CSGALNACT1: variants seen among roughly 807,000 people sequenced by gnomAD.
The protein encoded by CSGALNACT1 is chondroitin sulfate N-acetylgalactosaminyltransferase 1, also known as beta4GalNAcT-1.
In CSGALNACT1, 52 loss-of-function variants were observed where a neutral mutation model predicts 51.0. That is an observed-to-expected ratio of 1.02 (90% CI 0.82 to 1.29). The LOEUF is 1.29. CSGALNACT1 is among the 50% of genes most tolerant of loss of function. CSGALNACT1 has a pLI of 0.00. For missense variants in CSGALNACT1, 935 were observed against 679.2 expected (o/e 1.38, Z -4.19); for synonymous variants, 341 against 254.4 (o/e 1.34, Z -3.24).
upstream of CSGALNACT1, among the ~76,000 whole-genome samples, chr8:19,687,430 G>A (rs906215217): frequency 6.6e-6 from 1 of 152,066 alleles, no homozygotes; most frequent in Non-Finnish European, 1.5e-5. Flanking sequence ...TTATATATGT[G>A]CATATCACAA....
chr8:19,455,781 C>A (rs2063960342), intron 5 of CSGALNACT1, among the ~76,000 whole-genome samples: 1 of 152,176 alleles, frequency 6.6e-6, no homozygotes, highest in South Asian at 2.1e-4. Flanking sequence ...TCCCATTGTC[C>A]CCTGTCTGTA....
intron 9 of CSGALNACT1, among the ~76,000 whole-genome samples, chr8:19,407,917 G>GTGTATATGAAT (rs1162435489): frequency 2.5e-5 from 2 of 79,286 alleles, no homozygotes; most frequent in African/African-American, 6.8e-5. Flanking sequence ...GTGTGTGTGT[G>GTGTATATGAAT]TGTGTGTGTG....
exon 10 of CSGALNACT1, chr8:19,405,688 C>T (rs759850175): frequency 7.9e-6 from 12 of 1,512,432 alleles, no homozygotes; most frequent in Middle Eastern, 3.4e-4. Context: ...ATTCTTTTGT[C>T]GTCCTTTATG....
chr8:19,534,322 G>A (rs1264173265), intron 3 of CSGALNACT1, among the ~76,000 whole-genome samples: 4 of 151,938 alleles, frequency 2.6e-5, no homozygotes, highest in African/African-American at 9.7e-5. Flanking sequence ...GGTGTGGCAG[G>A]TGCCTTTAGT....
intron 1 of CSGALNACT1, chr8:19,688,844 A>T (rs1392433781): frequency 1.3e-5 from 2 of 152,112 alleles, no homozygotes; most frequent in Non-Finnish European, 2.9e-5. Flanking sequence ...GCCCTCGCCA[A>T]CCTCCTCCAC....
chr8:19,687,151 C>T (rs927527997), upstream of CSGALNACT1, among the ~76,000 whole-genome samples: 3 of 152,124 alleles, frequency 2.0e-5, no homozygotes, highest in South Asian at 2.1e-4. Context: ...GTATTTGTGA[C>T]GTTTGTTTTA....
chr8:19,500,271 C>T (rs112141891), intron 4 of CSGALNACT1, among the ~76,000 whole-genome samples: 1 of 152,140 alleles, frequency 6.6e-6, no homozygotes, highest in African/African-American at 2.4e-5. Flanking sequence ...AAGCCCAACT[C>T]ACACCCTGAT....
chr8:19,638,539 A>G (rs1252987042), intron 1 of CSGALNACT1, among the ~76,000 whole-genome samples: 1 of 152,260 alleles, frequency 6.6e-6, no homozygotes, highest in Non-Finnish European at 1.5e-5. Context: ...TGAATCAGAA[A>G]GGGAACAAGT....
chr8:19,660,830 A>G (rs1027996504), intron 1 of CSGALNACT1, among the ~76,000 whole-genome samples: 8 of 152,264 alleles, frequency 5.3e-5, no homozygotes, highest in African/African-American at 1.7e-4. Flanking sequence ...GGAAAACACA[A>G]GGTTCTTACA....
At chr8:19,505,091 C>G in intron 4 of CSGALNACT1, 110 bp downstream of exon 3, 1 of 1,229,482 alleles carries the variant, frequency 8.1e-7, no homozygotes, top group Middle Eastern at 2.6e-4. Context: ...AAACTTTCCG[C>G]CAGCCATCCC....
At chr8:19,723,019 C>A (rs930087939) in intron 1 of CSGALNACT1, among the ~76,000 whole-genome samples, 34 of 152,184 alleles carry the variant, frequency 2.2e-4, no homozygotes. Flanking sequence ...TAAGTGATTC[C>A]AAAGTCTCAA....
At chr8:19,454,457 C>T (rs541038443) in intron 5 of CSGALNACT1, among the ~76,000 whole-genome samples, 3 of 152,108 alleles carry the variant, frequency 2.0e-5, no homozygotes, top group Non-Finnish European at 2.9e-5. Context: ...GATCACTTGA[C>T]GTCAGGAGTT....
intron 5 of CSGALNACT1, among the ~76,000 whole-genome samples, chr8:19,441,928 CAAA>C (rs1294588744): frequency 6.6e-6 from 1 of 152,136 alleles, no homozygotes; most frequent in Non-Finnish European, 1.5e-5. Context: ...AGACACTTCT[CAAA>C]AGAAGACATT....
chr8:19,685,485 C>CA (rs2060920107), upstream of CSGALNACT1, among the ~76,000 whole-genome samples: 1 of 151,938 alleles, frequency 6.6e-6, no homozygotes, highest in East Asian at 1.9e-4. Flanking sequence ...GACCCTGCCC[C>CA]AAAAACAAAA....
intron 1 of CSGALNACT1, among the ~76,000 whole-genome samples, chr8:19,636,899 G>T (rs930094776): frequency 6.6e-6 from 1 of 152,030 alleles, no homozygotes; most frequent in Non-Finnish European, 1.5e-5. Flanking sequence ...TTTCATTAAA[G>T]AGTCTTAAGG....
chr8:19,461,570 G>C (rs1161883691), intron 4 of CSGALNACT1, among the ~76,000 whole-genome samples: 3 of 130,194 alleles, frequency 2.3e-5, no homozygotes, highest in Non-Finnish European at 3.4e-5. Flanking sequence ...CCGCACAGCG[G>C]CCACATTCAC....
intron 1 of CSGALNACT1, among the ~76,000 whole-genome samples, chr8:19,641,262 A>G (rs2056716495): frequency 6.6e-6 from 1 of 150,610 alleles, no homozygotes; most frequent in Non-Finnish European, 1.5e-5. Flanking sequence ...CTCTATGCCC[A>G]CAATCCCTAC....
At chr8:19,688,178 C>T (rs1245161089) in intron 1 of CSGALNACT1, among the ~76,000 whole-genome samples, 2 of 152,126 alleles carry the variant, frequency 1.3e-5, no homozygotes, top group Non-Finnish European at 2.9e-5. Context: ...GTGGGGCCTT[C>T]TTGAAGCCCT....
exon 4 of CSGALNACT1, chr8:19,505,651 G>C: frequency 6.2e-7 from 1 of 1,614,136 alleles, no homozygotes; most frequent in South Asian, 1.1e-5. Flanking sequence ...TCCCACTCCT[G>C]AAGGACGGCC....
Sources: gnomAD v4.1 joint callset for allele counts (sites outside exome capture counted in the v4.1 genomes callset) on GRCh38, gnomAD v4.1.1 for gene constraint, MANE v1.5 for transcripts, NCBI Gene and HGNC (gene_info 2026-07-23, HGNC 2026-07-21) for gene names.